Variants in FGFR2 observed in about 807,000 individuals in gnomAD.
The protein encoded by FGFR2 is fibroblast growth factor receptor 2.
Under a neutral mutation model 95.9 loss-of-function variants are expected in FGFR2, and 19 were observed. That is an observed-to-expected ratio of 0.20 (90% CI 0.14 to 0.29). The LOEUF (loss-of-function observed/expected upper bound fraction) is 0.29. Ranked by LOEUF, FGFR2 falls within the 10% of genes least tolerant of loss-of-function variation. The pLI is 1.00. For synonymous variants in FGFR2, 392 were observed against 393.3 expected (o/e 1.00, Z 0.04); for missense variants, 707 against 1,056.9 (o/e 0.67, Z 4.59).
chr10:121,526,833 G>C, intron 6 of FGFR2: 1 of 398,514 alleles, frequency 2.5e-6, no homozygotes, highest in East Asian at 3.6e-5. Flanking sequence ...CCTCTTCGCT[G>C]TCTGGTCACC....
Position 121,485,755 on chromosome 10 carries a change from C to G in FGFR2, c.2058-223G>C, listed in dbSNP as rs1845327604. Among the ~76,000 whole-genome samples the G allele has an allele frequency of 6.6e-6, 1 of 152,198 alleles. No homozygotes were observed. The highest frequency in any genetic ancestry group is 2.4e-5 in the African/African-American group (1 of 41,460). ...AATTTTCCATCAATAGACAAAAAGG[C>G]AAACTGCCATCACTCTGGAATAGAG... On this transcript the variant is annotated intron_variant, in intron 15 of 17. Transcript: ENST00000358487. This position sits in a 1 kb window ranked among gnomAD's most constrained non-coding sequence, Gnocchi z 4.2.
chr10:121,591,285 T>G (rs933252437), intron 2 of FGFR2, among the ~76,000 whole-genome samples: 1 of 152,148 alleles, frequency 6.6e-6, no homozygotes, highest in African/African-American at 2.4e-5. Context: ...AAAACAACTT[T>G]CTTCTCAACT....
intron 4 of FGFR2, among the ~76,000 whole-genome samples, chr10:121,561,693 A>G (rs375031981): frequency 2.9e-4 from 44 of 152,322 alleles, no homozygotes; most frequent in East Asian, 1.9e-3. Flanking sequence ...GAAAAACCAG[A>G]CTACATGAAA....
chr10:121,490,215 G>C (rs539893925), intron 13 of FGFR2, among the ~76,000 whole-genome samples: 43 of 124,320 alleles, frequency 3.5e-4, no homozygotes, highest in Non-Finnish European at 6.3e-4. Flanking sequence ...CCAGGCTAGA[G>C]TGCAGTGGCA....
chr10:121,548,350 G>A (rs1269946409), intron 5 of FGFR2, among the ~76,000 whole-genome samples: 1 of 141,458 alleles, frequency 7.1e-6, no homozygotes, highest in Non-Finnish European at 1.5e-5. Context: ...CTCCAGAAAC[G>A]GCTCAGCGTG....
chr10:121,524,038 T>C (rs952901810), intron 6 of FGFR2, among the ~76,000 whole-genome samples: 2 of 151,760 alleles, frequency 1.3e-5, no homozygotes, highest in Non-Finnish European at 2.9e-5. Flanking sequence ...CTTGTTTTCC[T>C]TGTGGTCAAA....
rs1375821471 is a variant in FGFR2 at position 121,498,526 on chromosome 10, G to C, written c.1641C>G (p.Ile547Met). ...GTGTGCAGGCTCCAAGAAGATTTAT[G>C]ATATTCTTGTGTTTCCCAATCATCT... is the stretch of plus-strand genomic sequence containing the variant. ...MMKMIGKHKN[I>M]INLLGACTQD... is the part of the protein sequence containing the mutation. The change falls in exon 12 of 18, where the codon ATC becomes ATG. Residue 547 changes from isoleucine to methionine, a missense_variant. Ile to Met is a conservative substitution (Grantham distance 10). Transcript: ENST00000358487. 1.2e-6 allele frequency: 2 copies of C among 1,612,478 alleles called. No homozygotes were observed. Among genetic ancestry groups the C allele is most frequent in the South Asian group, 2.2e-5 (2 of 91,040 alleles).
Position 121,595,996 on chromosome 10 carries a change from G to C in FGFR2, c.-151+1966C>G, listed in dbSNP as rs564554044. 1.3e-3 allele frequency among the ~76,000 whole-genome samples: 199 copies of C among 152,330 alleles called. 1 individual carries two copies. Among genetic ancestry groups the C allele is most frequent in the African/African-American group, 4.4e-3 (181 of 41,580 alleles). ...CCTCACACCAGTGGACAAAAGTATGGTGCGACCTCCTAGGCAGGATAATTA... is the reference window on the plus strand; with the variant it reads ...CCTCACACCAGTGGACAAAAGTATGCTGCGACCTCCTAGGCAGGATAATTA... On this transcript the variant is annotated intron_variant, in intron 1 of 17. Transcript: ENST00000358487.
rs370322467 is a variant in FGFR2, at chr10:121,579,286, T to TG, written c.110-13583dup. ...CATCCTGGCGGGCGGTTGGAGGTAG[T>TG]GGGGGGTCCCCATCCTGCAACTCAG... On this transcript the variant is annotated intron_variant, in intron 2 of 17. Transcript: ENST00000358487. Among the ~76,000 whole-genome samples, 1,118 of 152,300 alleles carry TG rather than the reference T, an allele frequency of 7.3e-3. 13 individuals carry two copies. Among genetic ancestry groups the TG allele is most frequent in the African/African-American group, 0.021 (866 of 41,568 alleles).
chr10:121,566,000 T>G (rs1364811872), intron 2 of FGFR2: 4 of 501,810 alleles, frequency 8.0e-6, no homozygotes, highest in Admixed American at 6.5e-5. Flanking sequence ...AATGTTTAAA[T>G]TGATTGCCAA....
intron 9 of FGFR2, among the ~76,000 whole-genome samples, chr10:121,512,504 T>G (rs1455854798): frequency 6.6e-6 from 1 of 152,218 alleles, no homozygotes; most frequent in Non-Finnish European, 1.5e-5. Flanking sequence ...TCGGCCCTAC[T>G]GAACACAAGC....
chr10:121,517,175 T>C lies in FGFR2; in HGVS notation c.1084+144A>G. ...GTGTGAATTTCCAAGGCAGTTTTCTTATCCCTGAGGGATCATTTTTAACAT... is the reference window on the plus strand; with the variant it reads ...GTGTGAATTTCCAAGGCAGTTTTCTCATCCCTGAGGGATCATTTTTAACAT... On this transcript the variant is annotated intron_variant, in intron 8 of 17. Coordinates refer to ENST00000358487, the MANE Select transcript of FGFR2 (RefSeq NM_000141.5). This position sits in a 1 kb window ranked among gnomAD's most constrained non-coding sequence, Gnocchi z 4.7. The C allele has an allele frequency of 1.1e-6, 1 of 904,816 alleles. No individual in the cohort carries two copies. Among genetic ancestry groups the C allele is most frequent in the Non-Finnish European group, 1.8e-6 (1 of 570,154 alleles). The allele number at this position is 904,816 out of a possible 1,614,324, so 56.0% of individuals were successfully genotyped here.
At chr10:121,559,133 A>AC (rs1564987308) in intron 4 of FGFR2, among the ~76,000 whole-genome samples, 4 of 148,750 alleles carry the variant, frequency 2.7e-5, no homozygotes, top group East Asian at 2.0e-4. Context: ...AAAAAAAAAA[A>AC]CTCAAAAAAG....
chr10:121,583,689 A>G (rs1342623713), intron 2 of FGFR2: 1 of 153,632 alleles, frequency 6.5e-6, no homozygotes, highest in African/African-American at 2.4e-5. Flanking sequence ...ATCAACCAGC[A>G]GTGTCCCTAA....
intron 5 of FGFR2, among the ~76,000 whole-genome samples, chr10:121,547,878 T>C (rs2134753780): frequency 6.6e-6 from 1 of 152,244 alleles, no homozygotes; most frequent in African/African-American, 2.4e-5. Context: ...GGAATGAGCC[T>C]CTTTGAGCTC....
intron 2 of FGFR2, among the ~76,000 whole-genome samples, chr10:121,584,413 C>T (rs1217996367): frequency 1.2e-5 from 1 of 84,162 alleles, no homozygotes; most frequent in African/African-American, 5.0e-5. Context: ...AACCCCTCTC[C>T]ATCCCACACC....
rs760557932 is a variant in FGFR2, at chr10:121,567,508, C to A, written c.110-1804G>T. 5.9e-5 allele frequency among the ~76,000 whole-genome samples: 9 copies of A among 152,346 alleles called. No homozygotes were observed. The South Asian group carries it at 1.7e-3, about 28-fold the overall frequency. On this transcript the variant is annotated intron_variant, in intron 2 of 17. Coordinates refer to ENST00000358487, the MANE Select transcript of FGFR2 (RefSeq NM_000141.5). ...ATACAACAAGCCTATTCTGGAAGCT[C>A]CGCAGCAAGAGGAGACAAGATAAAG... is the stretch of plus-strand genomic sequence containing the variant.
At chr10:121,496,888 A>G (rs1285607902) in intron 12 of FGFR2, among the ~76,000 whole-genome samples, 166 bp from the exon 13 acceptor site, 1 of 150,888 alleles carries the variant, frequency 6.6e-6, no homozygotes, top group East Asian at 1.9e-4. Context: ...CCCAGCCCTT[A>G]CAGAGGCCGA....
intron 2 of FGFR2, among the ~76,000 whole-genome samples, chr10:121,581,914 T>C (rs1034141098): frequency 6.1e-5 from 9 of 146,796 alleles, no homozygotes; most frequent in African/African-American, 2.3e-4. Context: ...TCATTTTTTA[T>C]TTTTGTTTAT....
Sources: allele counts gnomAD v4.1 joint callset (sites outside exome capture counted in the v4.1 genomes callset), GRCh38; gene constraint gnomAD v4.1.1; non-coding constraint Gnocchi (gnomAD v3.1); transcripts MANE v1.5; gene names NCBI Gene and HGNC (gene_info 2026-07-23, HGNC 2026-07-21).